FOXJ3: variants seen among roughly 807,000 people sequenced by gnomAD.
FOXJ3 encodes the protein forkhead box J3.
In FOXJ3, 22 loss-of-function variants were observed where a neutral mutation model predicts 76.1. That is an observed-to-expected ratio of 0.29 (90% CI 0.21 to 0.41). FOXJ3 has a LOEUF of 0.41. Ranked by LOEUF, FOXJ3 falls within the 10% of genes least tolerant of loss-of-function variation. The pLI, the probability that FOXJ3 is intolerant of heterozygous loss-of-function variation, is 1.00. For missense variants in FOXJ3, 613 were observed against 762.1 expected, an observed-to-expected ratio of 0.80 and a Z score of 2.30; for synonymous variants, 269 against 261.2, an observed-to-expected ratio of 1.03 and a Z score of -0.29.
chr1:42,225,784 CAT>C (rs889980230), intron 5 of FOXJ3, among the ~76,000 whole-genome samples: 38 of 152,248 alleles, frequency 2.5e-4, no homozygotes, highest in East Asian at 5.8e-4. Flanking sequence ...TTCAATAACA[CAT>C]GTTTTTGTAA....
chr1:42,236,266 A>G (rs138873185), intron 4 of FOXJ3, among the ~76,000 whole-genome samples: 17 of 152,330 alleles, frequency 1.1e-4, no homozygotes, highest in South Asian at 4.1e-4. Context: ...TCATAGATCA[A>G]TGCAACCTCA....
At chr1:42,330,130 G>A (rs1450977384) in intron 1 of FOXJ3, among the ~76,000 whole-genome samples, 1 of 151,998 alleles carries the variant, frequency 6.6e-6, no homozygotes, top group Non-Finnish European at 1.5e-5. Flanking sequence ...AAATATTAAG[G>A]GTTGTAAGAT....
chr1:42,322,521 G>A (rs1369724926), intron 1 of FOXJ3, among the ~76,000 whole-genome samples: 1 of 151,944 alleles, frequency 6.6e-6, no homozygotes, highest in Non-Finnish European at 1.5e-5. Context: ...GGGTAAAGGG[G>A]GATTCTTCAT....
intron 6 of FOXJ3, among the ~76,000 whole-genome samples, chr1:42,202,053 T>G (rs1326454038): frequency 2.0e-5 from 3 of 152,210 alleles, no homozygotes; most frequent in Non-Finnish European, 4.4e-5. Flanking sequence ...GCTCCTTTTT[T>G]CATTCCAGAT....
At chr1:42,262,036 G>C (rs968265623) in intron 4 of FOXJ3, among the ~76,000 whole-genome samples, 10 of 152,146 alleles carry the variant, frequency 6.6e-5, no homozygotes, top group African/African-American at 2.4e-4. Context: ...AGGTGATTTG[G>C]GGGGTGACGG....
Position 42,278,391 on chromosome 1 carries a change from C to T in FOXJ3, c.326G>A (p.Cys109Tyr). Residue 109 changes from cysteine (C) to tyrosine (Y), a missense_variant, in exon 3 of 13, where the codon TGT becomes TAT. Cys to Tyr is a radical substitution (Grantham distance 194). Around this residue, in one of 3 missense-constraint regions of FOXJ3, gnomAD observed 10 missense variants for 45.6 expected, o/e 0.22. Coordinates refer to ENST00000361346, the MANE Select transcript of FOXJ3 (RefSeq NM_014947.5). Reference sequence around the variant, plus strand: ...CTCTCTATAATATGGGAAGTTATCACAAATCCACTGATAAATTTCACTTAA... The same window carrying T: ...CTCTCTATAATATGGGAAGTTATCATAAATCCACTGATAAATTTCACTTAA... ...MTLSEIYQWI[C>Y]DNFPYYREAG... 6.2e-7 allele frequency: 1 copy of T among 1,613,884 alleles called. No homozygotes were observed. Among genetic ancestry groups the T allele is most frequent in the Non-Finnish European group, 8.5e-7 (1 of 1,179,756 alleles).
At chr1:42,275,395 A>G (rs1461018542) in intron 3 of FOXJ3, among the ~76,000 whole-genome samples, 1 of 152,188 alleles carries the variant, frequency 6.6e-6, no homozygotes. Flanking sequence ...AAGAATATGA[A>G]TATAACATGT....
chr1:42,293,515 A>G (rs1450012730), intron 2 of FOXJ3, among the ~76,000 whole-genome samples: 1 of 152,164 alleles, frequency 6.6e-6, no homozygotes, highest in African/African-American at 2.4e-5. Context: ...AGCAATAATA[A>G]TAATCCTCCT....
At chr1:42,299,821 T>C (rs1057023961) in intron 2 of FOXJ3, among the ~76,000 whole-genome samples, 3 of 151,956 alleles carry the variant, frequency 2.0e-5, no homozygotes, top group Admixed American at 6.6e-5. Context: ...GGCAGGAGAA[T>C]TGCTTGGACC....
intron 4 of FOXJ3, among the ~76,000 whole-genome samples, chr1:42,257,317 G>C (rs1285293873): frequency 6.6e-6 from 1 of 152,112 alleles, no homozygotes; most frequent in African/African-American, 2.4e-5. Context: ...AAGGAAAGTG[G>C]AACCCAACTG....
intron 5 of FOXJ3, among the ~76,000 whole-genome samples, chr1:42,209,645 C>A (rs1646927869): frequency 6.6e-6 from 1 of 152,134 alleles, no homozygotes; most frequent in Non-Finnish European, 1.5e-5. Flanking sequence ...CTTAATGCTA[C>A]CCAGTGCTGG....
At chr1:42,309,013 A>AAAAAAG (rs1323077251) in intron 2 of FOXJ3, among the ~76,000 whole-genome samples, 5 of 151,732 alleles carry the variant, frequency 3.3e-5, no homozygotes, top group Non-Finnish European at 7.4e-5. Context: ...AAAAAAAAAA[A>AAAAAAG]AAAAATGCTT....
Position 42,179,558 on chromosome 1 carries a change from A to C in FOXJ3, c.*152T>G. On this transcript the variant is annotated 3_prime_UTR_variant, in exon 13 of 13. Transcript: ENST00000361346. ...GTCAGATAAAAGCAGTAAGTTATCCAGCTAAAATCCTTCTGATTGTCTTCA... is the reference window on the plus strand; with the variant it reads ...GTCAGATAAAAGCAGTAAGTTATCCCGCTAAAATCCTTCTGATTGTCTTCA... The C allele has an allele frequency of 1.9e-6, 1 of 534,534 alleles. No homozygotes were observed. The highest frequency in any genetic ancestry group is 3.1e-5 in the East Asian group (1 of 31,772). The allele number at this position is 534,534 out of a possible 1,614,324, so 33.1% of individuals were successfully genotyped here. A position where few individuals can be genotyped will look rare whatever the true frequency, so the allele number is the denominator to read the frequency against.
At chr1:42,333,250 A>G (rs958477585) in intron 1 of FOXJ3, among the ~76,000 whole-genome samples, 33 of 151,990 alleles carry the variant, frequency 2.2e-4, no homozygotes, top group African/African-American at 6.8e-4. Flanking sequence ...AGATAAAAGG[A>G]AAAAAATGTC....
chr1:42,185,549 T>A (rs1402278607), intron 11 of FOXJ3, among the ~76,000 whole-genome samples: 1 of 152,020 alleles, frequency 6.6e-6, no homozygotes, highest in Admixed American at 6.5e-5. Flanking sequence ...TCTTGATGGA[T>A]CTGTCTCAAC....
Position 42,291,104 on chromosome 1 carries a change from A to AGACAGACAGACAGATC in FOXJ3, c.45-12433_45-12432insGATCTGTCTGTCTGTC, listed in dbSNP as rs1553167279. Reference sequence around the variant, plus strand: ...TAGATAGACAGACAGACAGACAGATAGATCCACAGTCACTTAATTTTTGAT... The same window carrying AGACAGACAGACAGATC: ...TAGATAGACAGACAGACAGACAGATAGACAGACAGACAGATCGATCCACAGTCACTTAATTTTTGAT... On this transcript the variant is annotated intron_variant, in intron 2 of 12. Coordinates refer to ENST00000361346, the MANE Select transcript of FOXJ3 (RefSeq NM_014947.5). Among the ~76,000 whole-genome samples the AGACAGACAGACAGATC allele has an allele frequency of 9.8e-3, 1,486 of 151,472 alleles. 29 individuals carry two copies. Among genetic ancestry groups the AGACAGACAGACAGATC allele is most frequent in the African/African-American group, 0.035 (1,431 of 40,986 alleles).
intron 4 of FOXJ3, among the ~76,000 whole-genome samples, chr1:42,231,541 G>C (rs941421109): frequency 1.3e-5 from 2 of 152,116 alleles, no homozygotes; most frequent in Admixed American, 6.5e-5. Flanking sequence ...AAACGTTCTC[G>C]AGATGGATGG....
At chr1:42,214,575 G>A (rs1405977086) in intron 5 of FOXJ3, among the ~76,000 whole-genome samples, 2 of 152,082 alleles carry the variant, frequency 1.3e-5, no homozygotes, top group African/African-American at 2.4e-5. Context: ...AAGTATTATG[G>A]TGAGAAAAAA....
intron 2 of FOXJ3, among the ~76,000 whole-genome samples, chr1:42,284,524 T>G (rs1652929931): frequency 6.6e-6 from 1 of 152,370 alleles, no homozygotes; most frequent in East Asian, 1.9e-4. Context: ...CAATTTCAGC[T>G]AAGAGTCCTA....
Sources: allele counts gnomAD v4.1 joint callset (sites outside exome capture counted in the v4.1 genomes callset), GRCh38; gene constraint gnomAD v4.1.1; regional missense constraint gnomAD v4.1.1; transcripts MANE v1.5; gene names NCBI Gene and HGNC (gene_info 2026-07-23, HGNC 2026-07-21).